EPB41L2: variants seen among roughly 807,000 people sequenced by gnomAD.
The protein encoded by EPB41L2 is erythrocyte membrane protein band 4.1 like 2.
Under a neutral mutation model 113.0 loss-of-function variants are expected in EPB41L2, and 43 were observed. The observed-to-expected ratio is 0.38, with a 90% CI of 0.30 to 0.49. The LOEUF (loss-of-function observed/expected upper bound fraction) is 0.49, where lower values mean the gene tolerates loss of function less well. Ranked by LOEUF, EPB41L2 falls within the 20% of genes least tolerant of loss-of-function variation. The pLI, the probability that EPB41L2 is intolerant of heterozygous loss-of-function variation, is 0.95. For synonymous variants in EPB41L2, 442 were observed against 436.7 expected (o/e 1.01, Z -0.15); for missense variants, 1,147 against 1,223.4 (o/e 0.94, Z 0.93).
intron 3 of EPB41L2, among the ~76,000 whole-genome samples, chr6:130,952,513 T>C (rs1334520463): frequency 6.6e-6 from 1 of 152,070 alleles, no homozygotes; most frequent in Non-Finnish European, 1.5e-5. Flanking sequence ...AATGAGACTT[T>C]GGCAATGTCT....
chr6:130,859,126 C>T (rs1024441642), intron 18 of EPB41L2, among the ~76,000 whole-genome samples: 1 of 152,196 alleles, frequency 6.6e-6, no homozygotes, highest in Non-Finnish European at 1.5e-5. Flanking sequence ...TGGAAAGATC[C>T]TATTTTTCAG....
chr6:130,924,727 G>A (rs1262400395), intron 4 of EPB41L2, among the ~76,000 whole-genome samples: 2 of 152,108 alleles, frequency 1.3e-5, no homozygotes, highest in Non-Finnish European at 2.9e-5. Context: ...CTGTTTTCCA[G>A]AGTGGTTGTA....
intron 3 of EPB41L2, among the ~76,000 whole-genome samples, chr6:130,944,162 T>TACATACACACACAC: frequency 7.5e-6 from 1 of 132,998 alleles, no homozygotes; most frequent in East Asian, 2.6e-4. Flanking sequence ...TATACGTACA[T>TACATACACACACAC]ACACACACAT....
chr6:130,875,488 T>G (rs1787223802), intron 14 of EPB41L2, among the ~76,000 whole-genome samples: 1 of 152,150 alleles, frequency 6.6e-6, no homozygotes, highest in South Asian at 2.1e-4. Flanking sequence ...CCCCTGTCAT[T>G]TGGTCTTTCA....
chr6:130,937,705 G>C (rs997785326), intron 3 of EPB41L2, among the ~76,000 whole-genome samples: 1 of 151,932 alleles, frequency 6.6e-6, no homozygotes, highest in Non-Finnish European at 1.5e-5. Context: ...TGTAATCCCA[G>C]CTACTCGGGA....
chr6:130,989,373 T>C (rs12195366), intron 1 of EPB41L2, among the ~76,000 whole-genome samples: 23,299 of 152,116 alleles, frequency 0.15, 2,393 homozygotes, highest in East Asian at 0.44. Context: ...AAATAGGTAG[T>C]CACAGCCTCT....
chr6:130,985,343 C>CT (rs145906248), intron 1 of EPB41L2, among the ~76,000 whole-genome samples: 4,003 of 152,252 alleles, frequency 0.026, 185 homozygotes, highest in African/African-American at 0.092. Context: ...CCCGCATCTC[C>CT]TCTCCACTGA....
At chr6:130,952,131 A>G (rs1043751517) in intron 3 of EPB41L2, among the ~76,000 whole-genome samples, 7 of 152,210 alleles carry the variant, frequency 4.6e-5, no homozygotes, top group African/African-American at 1.7e-4. Context: ...GTCCAAATTA[A>G]TAAGTCTGGT....
At chr6:131,021,834 C>T (rs1045740287) in intron 1 of EPB41L2, among the ~76,000 whole-genome samples, 1 of 152,048 alleles carries the variant, frequency 6.6e-6, no homozygotes, top group South Asian at 2.1e-4. Context: ...AAGGACGAAC[C>T]CAGACAGTCA....
At chr6:130,888,602 G>C (rs773471786) in intron 11 of EPB41L2, among the ~76,000 whole-genome samples, 7 of 152,138 alleles carry the variant, frequency 4.6e-5, no homozygotes, top group Non-Finnish European at 8.8e-5. Context: ...CAGTGTTCCA[G>C]AAAGAGCAAT....
rs149142181 is a variant in EPB41L2, at chr6:130,945,825, T to TC, written c.705+9279dup. Among the ~76,000 whole-genome samples the TC allele has an allele frequency of 1.1e-3, 161 of 152,222 alleles. 1 individual carries two copies. The highest frequency in any genetic ancestry group is 3.7e-3 in the African/African-American group (153 of 41,526). Reference sequence around the variant, plus strand: ...CTTCAACTAAACCTTATTGTTTTTTTCCCCCGCTTAGAGGAAAGAGCTCTG... The same window carrying TC: ...CTTCAACTAAACCTTATTGTTTTTTTCCCCCCGCTTAGAGGAAAGAGCTCTG... On this transcript the variant is annotated intron_variant, in intron 3 of 19. Coordinates refer to ENST00000337057, the MANE Select transcript of EPB41L2 (RefSeq NM_001431.4).
intron 4 of EPB41L2, among the ~76,000 whole-genome samples, chr6:130,913,712 TA>T (rs199857710): frequency 1.7e-4 from 25 of 147,884 alleles, no homozygotes; most frequent in South Asian, 6.4e-4. Context: ...AATTCCTAAG[TA>T]AAAAAAAAAT....
intron 4 of EPB41L2, among the ~76,000 whole-genome samples, chr6:130,909,271 C>A (rs941485989): frequency 6.6e-6 from 1 of 152,180 alleles, no homozygotes. Context: ...AAAATTGAAA[C>A]TGTTGGCTAA....
chr6:131,048,631 T>A (rs900567552), intron 1 of EPB41L2, among the ~76,000 whole-genome samples: 3 of 152,170 alleles, frequency 2.0e-5, no homozygotes, highest in Admixed American at 6.5e-5. Flanking sequence ...TGAGAGTGGG[T>A]CAGGGAGTCA....
At chr6:130,947,016 G>GGC (rs768961021) in intron 3 of EPB41L2, among the ~76,000 whole-genome samples, 1 of 129,682 alleles carries the variant, frequency 7.7e-6, no homozygotes, top group African/African-American at 3.6e-5. Flanking sequence ...GAATAAAGAA[G>GGC]ACCCCCCCCC....
chr6:130,858,327 C>G, intron 18 of EPB41L2, 84 bp from the exon 19 acceptor site: 4 of 1,065,718 alleles, frequency 3.8e-6, no homozygotes, highest in South Asian at 3.1e-5. Flanking sequence ...CACTGATCAC[C>G]TCGGACCCAA....
intron 4 of EPB41L2, among the ~76,000 whole-genome samples, chr6:130,918,764 TG>T (rs1801931243): frequency 6.6e-6 from 1 of 152,192 alleles, no homozygotes; most frequent in African/African-American, 2.4e-5. Context: ...TATAATGGGT[TG>T]AATTAAGAAT....
intron 19 of EPB41L2, among the ~76,000 whole-genome samples, chr6:130,848,197 T>TCACACACA (rs1309842285): frequency 4.9e-4 from 62 of 127,816 alleles, no homozygotes; most frequent in East Asian, 2.6e-3. Context: ...TCTCTCTCTC[T>TCACACACA]CTCACACACA....
intron 1 of EPB41L2, among the ~76,000 whole-genome samples, chr6:131,017,998 A>G (rs1360610515): frequency 6.6e-6 from 1 of 152,078 alleles, no homozygotes; most frequent in Admixed American, 6.6e-5. Context: ...ACAGTTTTTC[A>G]TATAATCTAG....
Sources: gnomAD v4.1 joint callset for allele counts (sites outside exome capture counted in the v4.1 genomes callset) on GRCh38, gnomAD v4.1.1 for gene constraint, MANE v1.5 for transcripts, NCBI Gene and HGNC (gene_info 2026-07-23, HGNC 2026-07-21) for gene names.